Variants in VAC14 observed in about 807,000 individuals in gnomAD.
The protein encoded by VAC14 is protein VAC14 homolog.
VAC14 carries 47 observed loss-of-function variants against 85.3 expected under a neutral mutation model. That is an observed-to-expected ratio of 0.55 (90% CI 0.44 to 0.70). VAC14 has a LOEUF of 0.70. Ranked by LOEUF, VAC14 falls within the 30% of genes least tolerant of loss-of-function variation. VAC14 has a pLI of 0.00. For synonymous variants in VAC14, 447 were observed against 430.5 expected (o/e 1.04, Z -0.47); for missense variants, 861 against 1,004.3 (o/e 0.86, Z 1.93).
intron 14 of VAC14, among the ~76,000 whole-genome samples, chr16:70,725,582 A>T (rs1301458268): frequency 6.6e-6 from 1 of 151,014 alleles, no homozygotes; most frequent in Non-Finnish European, 1.5e-5. Flanking sequence ...CAAACCCAGG[A>T]CACTGGGGAG....
rs1226966374 is a variant in VAC14, at chr16:70,712,831, T to G, written c.1662-14020A>C. On this transcript the variant is annotated intron_variant, in intron 14 of 18. Coordinates refer to ENST00000261776, the MANE Select transcript of VAC14 (RefSeq NM_018052.5). The stretch of plus-strand genomic sequence containing the variant: ...TAAACAGAAAATAAAGTATTGAGAA[T>G]CCTCTGTGTGCTTCTCTTGGACTCC... Among the ~76,000 whole-genome samples, 6 of 152,308 alleles carry G rather than the reference T, an allele frequency of 3.9e-5. No homozygotes were observed. The East Asian group carries it at 9.6e-4, about 24-fold the overall frequency.
chr16:70,697,338 G>T, intron 15 of VAC14, 81 bp from the exon 16 acceptor site: 2 of 1,193,360 alleles, frequency 1.7e-6, no homozygotes, highest in Non-Finnish European at 2.4e-6. Context: ...TGAGGGAAGG[G>T]CCACAGGTCT....
At chr16:70,719,080 G>A (rs1435903305) in intron 14 of VAC14, among the ~76,000 whole-genome samples, 2 of 152,226 alleles carry the variant, frequency 1.3e-5, no homozygotes, top group Non-Finnish European at 2.9e-5. Flanking sequence ...TGGCCTGGCT[G>A]CCGCAGAAGC....
rs1281910331 is a variant in VAC14 at position 70,762,780 on chromosome 16, C to A, written c.1305+101G>T. On this transcript the variant is annotated intron_variant, in intron 11 of 18. Transcript: ENST00000261776. This position sits in a 1 kb window ranked among gnomAD's most constrained non-coding sequence, Gnocchi z 4.1. ...CACTTCTCTGCCGGCCAGGGTTTCC[C>A]TAGAAGGGCAATGACCAAAATGCTA... 8.9e-6 allele frequency: 14 copies of A among 1,574,890 alleles called. No individual in the cohort carries two copies. The East Asian group carries it at 1.6e-4, about 18-fold the overall frequency.
chr16:70,696,338 C>T (rs1190098359), intron 16 of VAC14, among the ~76,000 whole-genome samples: 3 of 152,130 alleles, frequency 2.0e-5, no homozygotes. Context: ...CATGGTGAGA[C>T]CCTGTCTCTA....
At chr16:70,763,684 A>G (rs1267022736) in intron 10 of VAC14, among the ~76,000 whole-genome samples, 1 of 152,214 alleles carries the variant, frequency 6.6e-6, no homozygotes, top group African/African-American at 2.4e-5. Context: ...GGGAAGGGGT[A>G]AACACAGCCT....
chr16:70,697,059 C>T, intron 16 of VAC14, 80 bp downstream of exon 16: 1 of 1,220,994 alleles, frequency 8.2e-7, no homozygotes, highest in Non-Finnish European at 1.2e-6. Context: ...CTTGGGCCCG[C>T]CTGTTGGGTG....
intron 14 of VAC14, among the ~76,000 whole-genome samples, chr16:70,707,703 A>T (rs1278312102): frequency 6.6e-6 from 1 of 152,042 alleles, no homozygotes; most frequent in Non-Finnish European, 1.5e-5. Context: ...CCCAGGGTGG[A>T]GTCAGATGAC....
intron 17 of VAC14, among the ~76,000 whole-genome samples, chr16:70,693,804 T>G (rs1340292585): frequency 6.6e-6 from 1 of 152,228 alleles, no homozygotes; most frequent in Non-Finnish European, 1.5e-5. Flanking sequence ...GCATTGTTTG[T>G]GGAGGATATG....
At chr16:70,693,599 G>T (rs1387091896) in intron 17 of VAC14, among the ~76,000 whole-genome samples, 12 of 152,322 alleles carry the variant, frequency 7.9e-5, no homozygotes, top group Admixed American at 6.5e-4. Flanking sequence ...GATGCACCCG[G>T]GGGGCTGCCC....
chr16:70,759,163 T>A (rs181425267), intron 12 of VAC14, among the ~76,000 whole-genome samples: 199 of 152,322 alleles, frequency 1.3e-3, no homozygotes, highest in African/African-American at 4.4e-3. Flanking sequence ...CTGCGAGCAG[T>A]GGCTCTCAGC....
Position 70,704,001 on chromosome 16 carries a change from AGG to A in VAC14, c.1662-5192_1662-5191del, listed in dbSNP as rs557294254. Among the ~76,000 whole-genome samples the A allele has an allele frequency of 6.2e-3, 944 of 152,316 alleles. 6 individuals carry two copies. Among genetic ancestry groups the A allele is most frequent in the Non-Finnish European group, 9.8e-3 (668 of 68,024 alleles). Reference sequence around the variant, plus strand: ...TGGAGGTGACTGCACCACACCTGCCAGGGGCTGGTGTGAGCCTTCGTGTCACT... The same window carrying A: ...TGGAGGTGACTGCACCACACCTGCCAGGCTGGTGTGAGCCTTCGTGTCACT... On this transcript the variant is annotated intron_variant, in intron 14 of 18. Transcript: ENST00000261776.
Position 70,800,788 on chromosome 16 carries a change from G to C in VAC14, c.104+9C>G, listed in dbSNP as rs762778649. ...TGCATAGCCAGGGAGGGGTCCTGGC[G>C]GCTCTTACTTCTCGATCTCCAGCGC... On this transcript the variant is annotated intron_variant, in intron 1 of 18. Coordinates refer to ENST00000261776, the MANE Select transcript of VAC14 (RefSeq NM_018052.5). 1 of 1,608,836 alleles carries C rather than the reference G, an allele frequency of 6.2e-7. No homozygotes were observed. The highest frequency in any genetic ancestry group is 1.1e-5 in the South Asian group (1 of 90,878).
intron 14 of VAC14, among the ~76,000 whole-genome samples, chr16:70,710,108 C>A (rs950476630): frequency 1.3e-5 from 2 of 152,242 alleles, no homozygotes; most frequent in Non-Finnish European, 2.9e-5. Context: ...CCCTGCCACC[C>A]GCATGGGACA....
intron 12 of VAC14, among the ~76,000 whole-genome samples, chr16:70,758,821 A>G (rs1192894287): frequency 6.6e-6 from 1 of 152,222 alleles, no homozygotes; most frequent in Non-Finnish European, 1.5e-5. Flanking sequence ...TAGCTATGGG[A>G]GGATTTCTAC....
chr16:70,689,196 A>G, intron 18 of VAC14: 1 of 978,024 alleles, frequency 1.0e-6, no homozygotes, highest in Non-Finnish European at 1.2e-6. Context: ...AGCGAGGGCT[A>G]CCTAAGGAGC....
intron 13 of VAC14, among the ~76,000 whole-genome samples, chr16:70,740,834 C>T (rs780210974): frequency 6.6e-6 from 1 of 152,190 alleles, no homozygotes; most frequent in African/African-American, 2.4e-5. Flanking sequence ...CACCGCTCTG[C>T]GAGGGAGGGA....
intron 4 of VAC14, among the ~76,000 whole-genome samples, chr16:70,784,471 G>A (rs1412697672): frequency 6.6e-6 from 1 of 152,202 alleles, no homozygotes; most frequent in Non-Finnish European, 1.5e-5. Flanking sequence ...ACTCTCTGTG[G>A]TCTGGATGGA....
At chr16:70,720,841 C>A (rs1260991422) in intron 14 of VAC14, among the ~76,000 whole-genome samples, 1 of 152,186 alleles carries the variant, frequency 6.6e-6, no homozygotes, top group Non-Finnish European at 1.5e-5. Flanking sequence ...GGTCACACCC[C>A]TTCTGAGGGA....
Sources: allele counts gnomAD v4.1 joint callset (sites outside exome capture counted in the v4.1 genomes callset), GRCh38; gene constraint gnomAD v4.1.1; non-coding constraint Gnocchi (gnomAD v3.1); transcripts MANE v1.5; gene names NCBI Gene and HGNC (gene_info 2026-07-23, HGNC 2026-07-21).